ACACB: variants seen among roughly 807,000 people sequenced by gnomAD.
ACACB encodes the protein acetyl-CoA carboxylase beta, also known as acetyl-CoA carboxylase 2.
In ACACB, 209 loss-of-function variants were observed where a neutral mutation model predicts 278.8. That is an observed-to-expected ratio of 0.75 (90% CI 0.67 to 0.84). ACACB has a LOEUF of 0.84. ACACB is among the 40% of genes least tolerant of loss of function. The probability of loss-of-function intolerance (pLI) is 0.00; values close to 1 mark genes in which losing one functional copy is unlikely to be tolerated. For synonymous variants in ACACB, 1,174 were observed against 1,285.6 expected (o/e 0.91, Z 1.86); for missense variants, 2,850 against 3,269.0 (o/e 0.87, Z 3.13).
chr12:109,157,392 C>A, intron 2 of ACACB, among the ~76,000 whole-genome samples: 1 of 151,884 alleles, frequency 6.6e-6, no homozygotes, highest in Non-Finnish European at 1.5e-5. Context: ...CTCACCTCAG[C>A]CTTCCAAGTA....
intron 1 of ACACB, among the ~76,000 whole-genome samples, chr12:109,123,135 C>G (rs1162124195): frequency 2.0e-5 from 3 of 149,736 alleles, no homozygotes; most frequent in African/African-American, 4.9e-5. Context: ...GAGCCGAGAT[C>G]GCACCACTGC....
chr12:109,188,212 TC>T, intron 13 of ACACB, 50 bp downstream of exon 13: 1 of 1,406,666 alleles, frequency 7.1e-7, no homozygotes, highest in East Asian at 2.4e-5. Flanking sequence ...CTTCCTTCCT[TC>T]CTTCCTTCCT....
At chr12:109,209,474 C>A in intron 21 of ACACB, 121 bp downstream of exon 21, 1 of 1,011,270 alleles carries the variant, frequency 9.9e-7, no homozygotes, top group Non-Finnish European at 1.4e-6. Flanking sequence ...TATAGCCTAA[C>A]ATATCAGGGG....
chr12:109,211,342 CTTTTTT>C (rs35008047), intron 21 of ACACB, among the ~76,000 whole-genome samples: 2 of 109,982 alleles, frequency 1.8e-5, no homozygotes, highest in Non-Finnish European at 3.6e-5. Context: ...TGTGATTCCT[CTTTTTT>C]TTTTTTTTTT....
intron 22 of ACACB, among the ~76,000 whole-genome samples, chr12:109,214,869 G>A (rs372011633): frequency 5.3e-5 from 8 of 152,030 alleles, no homozygotes; most frequent in East Asian, 1.9e-4. Flanking sequence ...AGGCCAAGGC[G>A]GATGGATTGC....
Position 109,174,157 on chromosome 12 carries a change from C to T in ACACB, c.1143C>T (p.Ala381=), listed in dbSNP as rs761644207. The T allele has an allele frequency of 4.2e-5, 68 of 1,612,762 alleles. No homozygotes were observed. Among genetic ancestry groups the T allele is most frequent in the Admixed American group, 6.7e-5 (4 of 59,900 alleles). ...GCCCTCCCAGTGAGGCCATGTGGGCCTTAGGAGATAAGATCGCCTCCACCG... is the reference window on the plus strand; with the variant it reads ...GCCCTCCCAGTGAGGCCATGTGGGCTTTAGGAGATAAGATCGCCTCCACCG... ...FLGPPSEAMW[A]LGDKIASTVV... is the part of the protein sequence containing the mutation. Residue 381 remains alanine, a synonymous_variant, in exon 7 of 53, where the codon GCC becomes GCT. Coordinates refer to ENST00000338432, the MANE Select transcript of ACACB (RefSeq NM_001093.4).
intron 1 of ACACB, among the ~76,000 whole-genome samples, chr12:109,139,012 GA>G (rs1236793744): frequency 6.6e-6 from 1 of 152,130 alleles, no homozygotes; most frequent in Non-Finnish European, 1.5e-5. Flanking sequence ...ATCCCAAACA[GA>G]AACCCTACAC....
At chr12:109,243,479 G>T (rs1383748941) in intron 37 of ACACB, among the ~76,000 whole-genome samples, 2 of 151,996 alleles carry the variant, frequency 1.3e-5, no homozygotes, top group Non-Finnish European at 2.9e-5. Context: ...GGCACCTGTA[G>T]TCCCAGCTAC....
At chr12:109,121,958 A>G (rs1055839188) in intron 1 of ACACB, among the ~76,000 whole-genome samples, 1 of 152,226 alleles carries the variant, frequency 6.6e-6, no homozygotes, top group African/African-American at 2.4e-5. Flanking sequence ...ACTGAGTATC[A>G]GGGTGGGTTT....
At chr12:109,232,933 TAAC>T in intron 29 of ACACB, 127 bp downstream of exon 29, 1 of 1,139,700 alleles carries the variant, frequency 8.8e-7, no homozygotes, top group Non-Finnish European at 1.2e-6. Context: ...AGCATGTCAA[TAAC>T]AACAGAATAA....
intron 21 of ACACB, among the ~76,000 whole-genome samples, chr12:109,211,269 C>G (rs1271949864): frequency 3.3e-5 from 5 of 151,512 alleles, no homozygotes; most frequent in Non-Finnish European, 7.4e-5. Flanking sequence ...CTGATTCATG[C>G]TCCCACGTGG....
rs145739647 is a variant in ACACB at position 109,185,671 on chromosome 12, C to G, written c.1911C>G (p.Thr637=). Residue 637 remains threonine, a synonymous_variant, in exon 12 of 53, where the codon ACC becomes ACG. Transcript: ENST00000338432. ...GAGTGACTCCCATTTCTTTTGAAAC[C>G]CCCTCAAACCCTCCCCTCGCCCGAG... ...PWGVTPISFE[T]PSNPPLARGH... is the part of the protein sequence containing the mutation. 69 of 1,613,842 alleles carry G rather than the reference C, an allele frequency of 4.3e-5. No individual in the cohort carries two copies. The African/African-American group carries it at 8.5e-4, about 20-fold the overall frequency.
rs1471318784 is a variant in ACACB, at chr12:109,268,097, G to C, written c.*1735G>C. On this transcript the variant is annotated 3_prime_UTR_variant, in exon 53 of 53. Coordinates refer to ENST00000338432, the MANE Select transcript of ACACB (RefSeq NM_001093.4). This position sits in a 1 kb window ranked among gnomAD's most constrained non-coding sequence, Gnocchi z 4.2. ...AAGAATCGATGCTGCTTTGGGAACTGAAGGTTTTTCTGTTGGGAAGGCCCT... is the reference window on the plus strand; with the variant it reads ...AAGAATCGATGCTGCTTTGGGAACTCAAGGTTTTTCTGTTGGGAAGGCCCT... The C allele has an allele frequency of 2.0e-5, 3 of 152,224 alleles. No individual in the cohort carries two copies. Among genetic ancestry groups the C allele is most frequent in the Non-Finnish European group, 2.9e-5 (2 of 68,056 alleles). 9.4% of individuals were successfully genotyped at this position (152,224 alleles called of 1,614,324 possible).
At chr12:109,136,569 T>G (rs1383156939) in intron 1 of ACACB, among the ~76,000 whole-genome samples, 1 of 152,234 alleles carries the variant, frequency 6.6e-6, no homozygotes, top group Admixed American at 6.5e-5. Context: ...TAAACATATT[T>G]ATTTCTAGGT....
At chr12:109,217,629 A>G (rs1935889057) in intron 24 of ACACB, among the ~76,000 whole-genome samples, 2 of 152,104 alleles carry the variant, frequency 1.3e-5, no homozygotes, top group Admixed American at 1.3e-4. Flanking sequence ...GGAGACCCCC[A>G]TCTCTACAAA....
At position 109,247,640 on chromosome 12, in the gene ACACB, A is replaced by G; in HGVS notation, c.5606A>G (p.Tyr1869Cys). ...TACCTGTACCTGACTCCCCAAGACT[A>G]CACCAGAATCAGCTCCCTGAACTCC... ...FKYLYLTPQDYTRISSLNSVH... is the reference protein window; with the variant it reads ...FKYLYLTPQDCTRISSLNSVH... The change falls in exon 40 of 53, where the codon TAC becomes TGC. Residue 1869 changes from tyrosine to cysteine, a missense_variant. Physicochemically the swap from Tyr to Cys is radical, Grantham distance 194 (BLOSUM62 -2). This residue lies in a region of ACACB where 2,265 missense variants were observed against 2,561.3 expected (regional missense o/e 0.88). Coordinates refer to ENST00000338432, the MANE Select transcript of ACACB (RefSeq NM_001093.4). 1 of 1,614,014 alleles carries G rather than the reference A, an allele frequency of 6.2e-7. No individual in the cohort carries two copies. The highest frequency in any genetic ancestry group is 8.5e-7 in the Non-Finnish European group (1 of 1,179,980).
rs535143172 is a variant in ACACB, at chr12:109,136,013, A to G, written c.-9-3384A>G. 7.9e-5 allele frequency among the ~76,000 whole-genome samples: 12 copies of G among 151,824 alleles called. 1 individual carries two copies. In the South Asian group the frequency reaches 1.5e-3, roughly 18 times the overall value. On this transcript the variant is annotated intron_variant, in intron 1 of 52. Coordinates refer to ENST00000338432, the MANE Select transcript of ACACB (RefSeq NM_001093.4). The stretch of plus-strand genomic sequence containing the variant: ...TTTTTAGTAGAGATGGGGTTTCACC[A>G]TGTTAGCCAGGATAGTCTTGATCTC...
At chr12:109,176,103 G>T (rs1384907532) in intron 8 of ACACB, 50 bp from the exon 9 acceptor site, 2 of 1,611,942 alleles carry the variant, frequency 1.2e-6, no homozygotes, top group Non-Finnish European at 1.7e-6. Context: ...CCTGGTAGCA[G>T]TTGGCAACTG....
In ACACB at chr12:109,209,161, T is replaced by C. The variant is rs1250564338; in HGVS notation, c.3061-4T>C. The C allele has an allele frequency of 6.3e-7, 1 of 1,592,320 alleles. No individual in the cohort carries two copies. Among genetic ancestry groups the C allele is most frequent in the Non-Finnish European group, 8.5e-7 (1 of 1,169,812 alleles). On this transcript the variant is annotated splice_polypyrimidine_tract_variant and splice_region_variant and intron_variant, in intron 20 of 52. Transcript: ENST00000338432. ...GGGGGCTGATGCTGTGGTCCCCGCT[T>C]CAGCTGAAGGAGTGGGTGCAGAAGC...
Sources: gnomAD v4.1 joint callset for allele counts (sites outside exome capture counted in the v4.1 genomes callset) on GRCh38, gnomAD v4.1.1 for gene constraint, gnomAD v4.1.1 regional missense constraint, Gnocchi (gnomAD v3.1) non-coding constraint, MANE v1.5 for transcripts, NCBI Gene and HGNC (gene_info 2026-07-23, HGNC 2026-07-21) for gene names.